Variants in RPS7 observed in about 807,000 individuals in gnomAD.
RPS7 encodes ribosomal protein S7.
Under a neutral mutation model 22.1 loss-of-function variants are expected in RPS7, and 1 was observed. The ratio of observed to expected loss-of-function variants is 0.05; its 90% CI spans 0.02 to 0.21. The LOEUF (loss-of-function observed/expected upper bound fraction) is 0.21, where lower values mean the gene tolerates loss of function less well. Among genes scored for constraint, RPS7 ranks in the 10% least tolerant of loss-of-function variants. RPS7 has a pLI of 1.00. For synonymous variants in RPS7, 80 were observed against 92.0 expected, an observed-to-expected ratio of 0.87 and a Z score of 0.74; for missense variants, 137 against 246.4, an observed-to-expected ratio of 0.56 and a Z score of 2.97.
Position 3,580,212 on chromosome 2 carries a change from C to G in RPS7, c.459C>G (p.Leu153=), listed in dbSNP as rs777622518. The G allele has an allele frequency of 4.3e-5, 69 of 1,613,402 alleles. 1 individual carries two copies. The South Asian group carries it at 7.5e-4, about 17-fold the overall frequency. The part of the protein sequence containing the change: ...RIRVKLDGSR[L]IKVHLDKAQQ... Reference sequence around the variant, plus strand: ...GCGTCAAACTAGATGGCAGCCGGCTCATAAAGGTTCATTTGGACAAAGCAC... The same window carrying G: ...GCGTCAAACTAGATGGCAGCCGGCTGATAAAGGTTCATTTGGACAAAGCAC... The change falls in exon 6 of 7, where the codon CTC becomes CTG. Residue 153 remains leucine, a synonymous_variant. Coordinates refer to ENST00000645674, the MANE Select transcript of RPS7 (RefSeq NM_001011.4).
chr2:3,576,709 T>C, intron 4 of RPS7, 79 bp downstream of exon 4: 1 of 1,472,340 alleles, frequency 6.8e-7, no homozygotes, highest in Middle Eastern at 1.7e-4. Context: ...CATTGGTAGT[T>C]GGAGTCATGA....
intron 3 of RPS7, 106 bp from the exon 4 acceptor site, chr2:3,576,381 T>C: frequency 1.1e-6 from 1 of 936,846 alleles, no homozygotes; most frequent in Non-Finnish European, 1.8e-6. Context: ...TATTAGTTTG[T>C]AGTGCAGCTA....
chr2:3,576,136 C>A (rs971804347), intron 3 of RPS7: 2 of 601,876 alleles, frequency 3.3e-6, no homozygotes, highest in Admixed American at 2.9e-5. Context: ...GGGCCTGGGC[C>A]CATTTCGGAC....
chr2:3,578,695 G>A (rs550339506), intron 5 of RPS7: 2 of 152,266 alleles, frequency 1.3e-5, no homozygotes, highest in South Asian at 2.1e-4. Flanking sequence ...AGTGGCATAA[G>A]AATTTAGGAT....
chr2:3,575,681 C>G lies in RPS7; in HGVS notation c.72C>G (p.Ser24=). 6.2e-7 allele frequency: 1 copy of G among 1,611,586 alleles called. No individual in the cohort carries two copies. Among genetic ancestry groups the G allele is most frequent in the Non-Finnish European group, 8.5e-7 (1 of 1,179,400 alleles). ...CGGACGAGTTCGAGTCCGGCATCTC[C>G]CAGGTGAGAGGGTTTCCCTGGGGTC... is the stretch of plus-strand genomic sequence containing the variant. The part of the protein sequence containing the change: ...EKPDEFESGI[S]QALLELEMNS... Residue 24 remains serine, a synonymous_variant, in exon 2 of 7, where the codon TCC becomes TCG. Transcript: ENST00000645674.
intron 3 of RPS7, chr2:3,576,108 A>C (rs1661272541): frequency 1.6e-6 from 1 of 614,238 alleles, no homozygotes; most frequent in Admixed American, 2.8e-5. Context: ...CGGGCGGTGG[A>C]GAAACGTGGA....
intron 5 of RPS7, chr2:3,579,454 TA>T (rs58765258): frequency 0.024 from 3,800 of 160,298 alleles, 156 homozygotes; most frequent in African/African-American, 0.086. Context: ...CGTAGACAGA[TA>T]ACCATATGTA....
intron 4 of RPS7, 85 bp from the exon 5 acceptor site, chr2:3,577,625 G>A: frequency 1.0e-6 from 1 of 974,288 alleles, no homozygotes; most frequent in Non-Finnish European, 1.6e-6. Context: ...CATTCTTCTT[G>A]CTTTTAAAGC....
chr2:3,576,461 C>T lies in RPS7; in HGVS notation c.148-26C>T, dbSNP rs62106034. The T allele has an allele frequency of 1.5e-3, 2,463 of 1,607,930 alleles. 5 individuals are homozygous for T. The highest frequency in any genetic ancestry group is 2.0e-3 in the Non-Finnish European group (2,297 of 1,174,586). ...CGTTTACTTTCTGAAGCAGTTAACACAGTGGATTTTTGTTTTTTTCTTTAG... is the reference window on the plus strand; with the variant it reads ...CGTTTACTTTCTGAAGCAGTTAACATAGTGGATTTTTGTTTTTTTCTTTAG... On this transcript the variant is annotated intron_variant, in intron 3 of 6. Transcript: ENST00000645674.
At position 3,575,293 on chromosome 2, in the gene RPS7, C is replaced by T; in HGVS notation, c.-76C>T. ...GTTTCCGCCTCTTGCCTTCGGACGC[C>T]GGATTTTGACGTGCTCTCGCGAGAT... On this transcript the variant is annotated 5_prime_UTR_variant, in exon 1 of 7. Transcript: ENST00000645674. 2.3e-6 allele frequency: 1 copy of T among 434,904 alleles called. No homozygotes were observed. The highest frequency in any genetic ancestry group is 2.5e-5 in the South Asian group (1 of 39,438). The allele number at this position is 434,904 out of a possible 1,614,324, so 26.9% of individuals were successfully genotyped here.
At chr2:3,575,499 G>C in intron 1 of RPS7, 93 bp from the exon 2 acceptor site, 1 of 808,524 alleles carries the variant, frequency 1.2e-6, no homozygotes, top group East Asian at 2.6e-5. Context: ...GCTTCTGCGG[G>C]GCGAGCGGGG....
intron 6 of RPS7, 78 bp from the exon 7 acceptor site, chr2:3,580,727 A>C: frequency 1.1e-6 from 1 of 900,426 alleles, no homozygotes; most frequent in Non-Finnish European, 1.9e-6. Context: ...AATACAGGGC[A>C]CAATTTCACG....
intron 3 of RPS7, 47 bp downstream of exon 3, chr2:3,575,935 C>A: frequency 7.2e-7 from 1 of 1,387,428 alleles, no homozygotes; most frequent in Non-Finnish European, 1.0e-6. Flanking sequence ...GGCGCGTCTC[C>A]CCGCGCAGTG....
rs11558965 is a variant in RPS7 at position 3,575,322 on chromosome 2, G to T, written c.-47G>T. 0.063 allele frequency: 31,328 copies of T among 493,910 alleles called. 1,174 individuals are homozygous for T. The highest frequency in any genetic ancestry group is 0.091 in the South Asian group (3,927 of 43,338). 30.6% of individuals were successfully genotyped at this position (493,910 alleles called of 1,614,324 possible). A position where few individuals can be genotyped will look rare whatever the true frequency, so the allele number is the denominator to read the frequency against. ...TTTTGACGTGCTCTCGCGAGATTTGGGTCTCTTCCTAAGCCGGCGCTCGGC... is the reference window on the plus strand; with the variant it reads ...TTTTGACGTGCTCTCGCGAGATTTGTGTCTCTTCCTAAGCCGGCGCTCGGC... On this transcript the variant is annotated 5_prime_UTR_variant, in exon 1 of 7. Coordinates refer to ENST00000645674, the MANE Select transcript of RPS7 (RefSeq NM_001011.4).
At position 3,576,513 on chromosome 2, in the gene RPS7, A is replaced by C. The variant is rs750927050; in HGVS notation, c.174A>C (p.Lys58Asn). ...AKEIEVGGGR[K>N]AIIIFVPVPQ... ...AAATTGAAGTTGGTGGTGGTCGGAA[A>C]GCTATCATAATCTTTGTTCCCGTTC... Residue 58 changes from lysine (K) to asparagine (N), a missense_variant, in exon 4 of 7, where the codon AAA becomes AAC. Lys to Asn is a moderately conservative substitution (Grantham distance 94). Coordinates refer to ENST00000645674, the MANE Select transcript of RPS7 (RefSeq NM_001011.4). 6.2e-7 allele frequency: 1 copy of C among 1,614,054 alleles called. No individual in the cohort carries two copies. The highest frequency in any genetic ancestry group is 2.2e-5 in the East Asian group (1 of 44,876).
intron 4 of RPS7, chr2:3,577,192 T>C (rs1661297892): frequency 5.7e-6 from 1 of 176,884 alleles, no homozygotes; most frequent in Non-Finnish European, 1.2e-5. Flanking sequence ...AAAAATTAGC[T>C]GGGCGTGGTG....
intron 5 of RPS7, chr2:3,578,026 C>T: frequency 1.9e-6 from 1 of 538,850 alleles, no homozygotes; most frequent in Admixed American, 3.4e-5. Flanking sequence ...ATTATTTGTG[C>T]ACAGGATAGG....
At chr2:3,579,124 T>C (rs1297162386) in intron 5 of RPS7, 2 of 152,260 alleles carry the variant, frequency 1.3e-5, no homozygotes, top group African/African-American at 4.8e-5. Context: ...ATGGTGCCAT[T>C]GCTCCCCATT....
intron 6 of RPS7, 69 bp downstream of exon 6, chr2:3,580,329 T>G (rs1290293001): frequency 7.4e-7 from 1 of 1,355,632 alleles, no homozygotes; most frequent in Admixed American, 1.7e-5. Flanking sequence ...GTAACCAGTC[T>G]CCATGCGCCA....
Sources: gnomAD v4.1 joint callset for allele counts on GRCh38, gnomAD v4.1.1 for gene constraint, MANE v1.5 for transcripts, NCBI Gene and HGNC (gene_info 2026-07-23, HGNC 2026-07-21) for gene names.